CDRT4: variants seen among roughly 807,000 people sequenced by gnomAD.
CDRT4 encodes CMT1A duplicated region transcript 4.
For synonymous variants in CDRT4, 64 were observed against 69.6 expected, an observed-to-expected ratio of 0.92 and a Z score of 0.40; for missense variants, 167 against 193.1, an observed-to-expected ratio of 0.87 and a Z score of 0.80.
intron 2 of CDRT4, among the ~76,000 whole-genome samples, chr17:15,445,508 C>CTCAT (rs1317336080): frequency 1.3e-5 from 2 of 152,228 alleles, no homozygotes; most frequent in South Asian, 2.1e-4. Flanking sequence ...CAAGGAATCA[C>CTCAT]TCATTCATTC....
chr17:15,462,376 C>T (rs563549604), intron 1 of CDRT4, among the ~76,000 whole-genome samples: 9 of 144,292 alleles, frequency 6.2e-5, no homozygotes, highest in Non-Finnish European at 1.1e-4. Context: ...TGCAGTGAGC[C>T]GAGATCACAC....
chr17:15,452,135 T>C lies in CDRT4; in HGVS notation c.-48+869A>G, dbSNP rs193186815. Among the ~76,000 whole-genome samples, 32 of 152,332 alleles carry C rather than the reference T, an allele frequency of 2.1e-4. No homozygotes were observed. The East Asian group carries it at 6.0e-3, about 28-fold the overall frequency. On this transcript the variant is annotated intron_variant, in intron 2 of 3. Coordinates refer to ENST00000619038, the MANE Select transcript of CDRT4 (RefSeq NM_001204477.2). Reference sequence around the variant, plus strand: ...AGGTAAAATGGCAAAAGGTGGGACGTTATCCTGAAAAATATGACAAACAAA... The same window carrying C: ...AGGTAAAATGGCAAAAGGTGGGACGCTATCCTGAAAAATATGACAAACAAA...
At chr17:15,439,388 A>T (rs1390509997) in intron 3 of CDRT4, among the ~76,000 whole-genome samples, 1 of 152,200 alleles carries the variant, frequency 6.6e-6, no homozygotes, top group Non-Finnish European at 1.5e-5. Context: ...CAGATCTGTC[A>T]GTAAAGAATG....
At chr17:15,440,400 A>T in intron 2 of CDRT4, 115 bp from the exon 3 acceptor site, 1 of 1,165,006 alleles carries the variant, frequency 8.6e-7, no homozygotes, top group Non-Finnish European at 1.2e-6. Context: ...GGCTAAGATG[A>T]CTCCACCCCC....
chr17:15,467,125 C>A (rs1323507469), intron 1 of CDRT4, among the ~76,000 whole-genome samples: 1 of 152,098 alleles, frequency 6.6e-6, no homozygotes, highest in Non-Finnish European at 1.5e-5. Flanking sequence ...GAGTGGTCAG[C>A]CCTGAGTGTA....
At chr17:15,443,690 AT>A in intron 2 of CDRT4, 1 of 435,450 alleles carries the variant, frequency 2.3e-6, no homozygotes, top group Admixed American at 2.8e-5. Context: ...AAATGTCAAC[AT>A]TACTCTGAAG....
At chr17:15,441,231 T>C (rs769678941) in intron 2 of CDRT4, among the ~76,000 whole-genome samples, 2 of 152,214 alleles carry the variant, frequency 1.3e-5, no homozygotes, top group African/African-American at 2.4e-5. Flanking sequence ...CTGGTGCTTT[T>C]GGTCTGGCGA....
chr17:15,449,894 T>C (rs1567611344), intron 2 of CDRT4, among the ~76,000 whole-genome samples: 1 of 152,230 alleles, frequency 6.6e-6, no homozygotes, highest in Non-Finnish European at 1.5e-5. Flanking sequence ...CAGTCTTTCA[T>C]TCTTTCTCAT....
rs887695259 is a variant in CDRT4, at chr17:15,436,202, A to G, written c.*1571T>C. On this transcript the variant is annotated 3_prime_UTR_variant, in exon 4 of 4. Coordinates refer to ENST00000619038, the MANE Select transcript of CDRT4 (RefSeq NM_001204477.2). ...TAGGCAGCTGTCCCAACATAAAAGCACAAGAGCCAGAGGTGAGTTCTCCAA... is the reference window on the plus strand; with the variant it reads ...TAGGCAGCTGTCCCAACATAAAAGCGCAAGAGCCAGAGGTGAGTTCTCCAA... 1.1e-4 allele frequency: 16 copies of G among 152,220 alleles called. No homozygotes were observed. The highest frequency in any genetic ancestry group is 1.9e-4 in the Non-Finnish European group (13 of 68,038). 9.4% of individuals were successfully genotyped at this position (152,220 alleles called of 1,614,324 possible).
intron 2 of CDRT4, chr17:15,444,114 A>G: frequency 7.9e-7 from 1 of 1,265,402 alleles, no homozygotes; most frequent in Non-Finnish European, 1.1e-6. Flanking sequence ...CACAACAGTT[A>G]AAAACAAGGC....
Position 15,450,727 on chromosome 17 carries a change from T to C in CDRT4, c.-48+2277A>G, listed in dbSNP as rs1342666630. Among the ~76,000 whole-genome samples, 1 of 152,206 alleles carries C rather than the reference T, an allele frequency of 6.6e-6. No homozygotes were observed. Among genetic ancestry groups the C allele is most frequent in the Non-Finnish European group, 1.5e-5 (1 of 68,044 alleles). ...TGCCAATATACTACATCTTTATTTG[T>C]ATATCTAATAACCTCTCAAACTTTT... On this transcript the variant is annotated intron_variant, in intron 2 of 3. Coordinates refer to ENST00000619038, the MANE Select transcript of CDRT4 (RefSeq NM_001204477.2). This position sits in a 1 kb window ranked among gnomAD's most constrained non-coding sequence, Gnocchi z 4.2.
chr17:15,440,917 G>C (rs1418674810), intron 2 of CDRT4, among the ~76,000 whole-genome samples: 1 of 152,038 alleles, frequency 6.6e-6, no homozygotes, highest in Non-Finnish European at 1.5e-5. Flanking sequence ...CCCACCTCCA[G>C]AACTGCTGAT....
At chr17:15,453,647 G>A (rs1979360075) in intron 1 of CDRT4, among the ~76,000 whole-genome samples, 1 of 152,116 alleles carries the variant, frequency 6.6e-6, no homozygotes, top group Non-Finnish European at 1.5e-5. Flanking sequence ...TATTGTGTAT[G>A]GATTTCAGTA....
intron 2 of CDRT4, chr17:15,444,084 G>A: frequency 2.6e-6 from 3 of 1,136,594 alleles, no homozygotes; most frequent in Non-Finnish European, 3.9e-6. Context: ...TTCAAATTCA[G>A]CGACTTTGAT....
chr17:15,450,574 C>CTT lies in CDRT4; in HGVS notation c.-48+2428_-48+2429dup, dbSNP rs59035063. ...TCCATTGAGGATTTCTAGTTCCCTT[C>CTT]TTTTTTTTTTTTTATTTCCACACAT... On this transcript the variant is annotated intron_variant, in intron 2 of 3. Transcript: ENST00000619038. The surrounding 1 kb of genome is among the most constrained non-coding windows in gnomAD (Gnocchi z 4.2). 5.9e-4 allele frequency among the ~76,000 whole-genome samples: 86 copies of CTT among 146,142 alleles called. No homozygotes were observed. The highest frequency in any genetic ancestry group is 1.8e-3 in the East Asian group (9 of 5,026).
chr17:15,438,327 T>C (rs1567607769), intron 3 of CDRT4, 127 bp from the exon 4 acceptor site: 2 of 805,776 alleles, frequency 2.5e-6, no homozygotes, highest in African/African-American at 1.7e-5. Context: ...TTGTATTCAG[T>C]AGGAATAAAA....
At chr17:15,449,340 C>T (rs1979164363) in intron 2 of CDRT4, among the ~76,000 whole-genome samples, 1 of 152,190 alleles carries the variant, frequency 6.6e-6, no homozygotes, top group Non-Finnish European at 1.5e-5. Flanking sequence ...TAAACTGGAG[C>T]CTGTAGGGAC....
chr17:15,455,711 C>T (rs1363987568), intron 1 of CDRT4, among the ~76,000 whole-genome samples: 1 of 152,156 alleles, frequency 6.6e-6, no homozygotes, highest in African/African-American at 2.4e-5. Context: ...GTTTTCCAGC[C>T]AAGAGGCAGC....
At position 15,460,722 on chromosome 17, in the gene CDRT4, T is replaced by A. The variant is rs571895462; in HGVS notation, c.-130+6738A>T. ...TTTGTCCACACAGCAGCCAGAGTGA[T>A]CTTTCTAAAACCTGCACCAGTACAC... On this transcript the variant is annotated intron_variant, in intron 1 of 3. Coordinates refer to ENST00000619038, the MANE Select transcript of CDRT4 (RefSeq NM_001204477.2). Among the ~76,000 whole-genome samples the A allele has an allele frequency of 5.3e-5, 8 of 152,242 alleles. No homozygotes were observed. In the South Asian group the frequency reaches 1.5e-3, roughly 28 times the overall value.
Sources: allele counts gnomAD v4.1 joint callset (sites outside exome capture counted in the v4.1 genomes callset), GRCh38; gene constraint gnomAD v4.1.1; non-coding constraint Gnocchi (gnomAD v3.1); transcripts MANE v1.5; gene names NCBI Gene and HGNC (gene_info 2026-07-23, HGNC 2026-07-21).